The following RFFL variants were observed in gnomAD, a reference collection of about 807,000 sequenced individuals.
The protein encoded by RFFL is E3 ubiquitin-protein ligase rififylin.
A neutral mutation model predicts 40.4 loss-of-function variants in RFFL; 16 were observed. That is an observed-to-expected ratio of 0.40 (90% CI 0.27 to 0.60). The LOEUF is 0.60. Among genes scored for constraint, RFFL ranks in the 20% least tolerant of loss-of-function variants. RFFL has a pLI of 0.47. For synonymous variants in RFFL, 154 were observed against 167.9 expected (o/e 0.92, Z 0.64); for missense variants, 367 against 451.7 (o/e 0.81, Z 1.70).
At chr17:35,059,627 C>A (rs924866141) in intron 1 of RFFL, among the ~76,000 whole-genome samples, 2 of 152,194 alleles carry the variant, frequency 1.3e-5, no homozygotes, top group Non-Finnish European at 1.5e-5. Flanking sequence ...TCAAACATTT[C>A]CCCACTTTGA....
Position 35,007,100 on chromosome 17 carries a change from GGCA to G in RFFL, c.*4865_*4867del, listed in dbSNP as rs1264513426. 1 of 152,210 alleles carries G rather than the reference GGCA, an allele frequency of 6.6e-6. No individual in the cohort carries two copies. The highest frequency in any genetic ancestry group is 2.4e-5 in the African/African-American group (1 of 41,428). 9.4% of individuals were successfully genotyped at this position (152,210 alleles called of 1,614,324 possible). On this transcript the variant is annotated 3_prime_UTR_variant, in exon 7 of 7. Coordinates refer to ENST00000394597, the MANE Select transcript of RFFL (RefSeq NM_001017368.2). ...TCAGGCCAAACAAACAACCGGACAG[GGCA>G]GCAGAACAAGGCTGTCTCCTCAGGA...
chr17:35,039,597 T>C (rs1401101590), intron 1 of RFFL, among the ~76,000 whole-genome samples: 1 of 152,066 alleles, frequency 6.6e-6, no homozygotes. Context: ...TAAAACCCCA[T>C]TTTGACCCCA....
intron 1 of RFFL, among the ~76,000 whole-genome samples, chr17:35,072,569 ACACACACACACACACATG>A (rs2091356181): frequency 6.8e-6 from 1 of 146,724 alleles, no homozygotes; most frequent in African/African-American, 2.7e-5. Context: ...AGAAAACTAC[ACACACACACACACACATG>A]CACACACACA....
At chr17:35,048,917 G>A (rs895207351) in intron 1 of RFFL, among the ~76,000 whole-genome samples, 5 of 152,090 alleles carry the variant, frequency 3.3e-5, no homozygotes, top group African/African-American at 1.2e-4. Context: ...TTCTGCTCCT[G>A]CCAGGAGGAT....
intron 1 of RFFL, among the ~76,000 whole-genome samples, chr17:35,086,427 A>C (rs2142391304): frequency 6.6e-6 from 1 of 152,006 alleles, no homozygotes; most frequent in South Asian, 2.1e-4. Flanking sequence ...CATCGAGCTG[A>C]AATCATTCCA....
At chr17:35,080,268 G>A (rs2091397489) in intron 1 of RFFL, among the ~76,000 whole-genome samples, 1 of 152,130 alleles carries the variant, frequency 6.6e-6, no homozygotes, top group Admixed American at 6.6e-5. Flanking sequence ...ATCTACTGAC[G>A]CAAGACCTAG....
intron 1 of RFFL, among the ~76,000 whole-genome samples, chr17:35,040,106 C>A (rs1567707894): frequency 6.6e-6 from 1 of 152,130 alleles, no homozygotes; most frequent in Non-Finnish European, 1.5e-5. Flanking sequence ...CTTCTCTATC[C>A]TCATCTTAAT....
intron 2 of RFFL, among the ~76,000 whole-genome samples, chr17:35,024,659 T>A (rs1340996272): frequency 6.6e-6 from 1 of 152,200 alleles, no homozygotes; most frequent in South Asian, 2.1e-4. Flanking sequence ...CCAATAAGCA[T>A]TCAGAAAGTA....
chr17:35,066,871 CTTT>C (rs75349195), upstream of RFFL, among the ~76,000 whole-genome samples: 2 of 143,034 alleles, frequency 1.4e-5, no homozygotes, highest in Admixed American at 1.4e-4. Context: ...ACCTCACAGC[CTTT>C]TTTTTTTTTT....
At chr17:35,068,925 C>T (rs2091333572) in intron 1 of RFFL, among the ~76,000 whole-genome samples, 1 of 152,090 alleles carries the variant, frequency 6.6e-6, no homozygotes, top group Non-Finnish European at 1.5e-5. Context: ...CTATATAAGG[C>T]TATTTCTTAG....
At chr17:35,050,381 T>C (rs2091224864) in intron 1 of RFFL, among the ~76,000 whole-genome samples, 1 of 152,102 alleles carries the variant, frequency 6.6e-6, no homozygotes, top group Non-Finnish European at 1.5e-5. Context: ...CTGGGCAACA[T>C]AGCAAGACCT....
chr17:35,052,792 AG>A (rs35926032), intron 1 of RFFL, among the ~76,000 whole-genome samples: 2 of 152,224 alleles, frequency 1.3e-5, no homozygotes, highest in Non-Finnish European at 2.9e-5. Flanking sequence ...AGTAGGAGAT[AG>A]GTAGGTACAC....
At chr17:35,012,315 C>G (rs2090946074) in intron 6 of RFFL, among the ~76,000 whole-genome samples, 166 bp from the exon 7 acceptor site, 1 of 152,228 alleles carries the variant, frequency 6.6e-6, no homozygotes, top group Non-Finnish European at 1.5e-5. Flanking sequence ...GAAACATTTC[C>G]TCAATAACCA....
At chr17:35,074,023 T>C (rs1425916199) in intron 1 of RFFL, 2 of 152,192 alleles carry the variant, frequency 1.3e-5, no homozygotes, top group South Asian at 2.1e-4. Flanking sequence ...AGTAGGCCCA[T>C]GTAGTTTTAT....
chr17:35,056,396 G>C (rs987091016), intron 1 of RFFL, among the ~76,000 whole-genome samples: 1 of 32,050 alleles, frequency 3.1e-5, no homozygotes, highest in African/African-American at 1.5e-4. Flanking sequence ...TTTTTTTTTT[G>C]AGACAAAGTT....
chr17:35,052,353 A>G (rs984070526), intron 1 of RFFL, among the ~76,000 whole-genome samples: 10 of 152,320 alleles, frequency 6.6e-5, no homozygotes, highest in East Asian at 5.8e-4. Context: ...TAAGATGTTA[A>G]TGTAATCACC....
intron 1 of RFFL, chr17:35,069,154 A>G (rs1020609765): frequency 1.4e-5 from 6 of 422,592 alleles, no homozygotes; most frequent in Non-Finnish European, 1.9e-5. Flanking sequence ...TCTTTTCTGT[A>G]TACCTCTGAA....
At chr17:35,065,667 A>G (rs531883698), upstream of RFFL, among the ~76,000 whole-genome samples, 24 of 152,116 alleles carry the variant, frequency 1.6e-4, no homozygotes, top group Non-Finnish European at 3.1e-4. Context: ...GGAACTCCTA[A>G]GTTGACTAAG....
At chr17:35,067,054 T>G (rs1029912733), upstream of RFFL, among the ~76,000 whole-genome samples, 1 of 152,032 alleles carries the variant, frequency 6.6e-6, no homozygotes, top group Non-Finnish European at 1.5e-5. Flanking sequence ...AATGAACATT[T>G]CTCATCCCAG....
Sources: gnomAD v4.1 joint callset for allele counts (sites outside exome capture counted in the v4.1 genomes callset) on GRCh38, gnomAD v4.1.1 for gene constraint, MANE v1.5 for transcripts, NCBI Gene and HGNC (gene_info 2026-07-23, HGNC 2026-07-21) for gene names.